Variants in GLDC observed in about 807,000 individuals in gnomAD.
GLDC encodes the protein glycine decarboxylase.
GLDC carries 104 observed loss-of-function variants against 121.3 expected under a neutral mutation model. The observed-to-expected ratio is 0.86, with a 90% confidence interval of 0.73 to 1.01. The LOEUF (loss-of-function observed/expected upper bound fraction) is 1.01. Ranked by LOEUF, GLDC falls within the 50% of genes least tolerant of loss-of-function variation. GLDC has a pLI of 0.00. For missense variants in GLDC, 1,429 were observed against 1,306.6 expected, an observed-to-expected ratio of 1.09 and a Z score of -1.44; for synonymous variants, 546 against 480.6, an observed-to-expected ratio of 1.14 and a Z score of -1.78.
At chr9:6,546,014 C>A (rs930125024) in intron 21 of GLDC, among the ~76,000 whole-genome samples, 1 of 152,218 alleles carries the variant, frequency 6.6e-6, no homozygotes, top group Non-Finnish European at 1.5e-5. Flanking sequence ...ACTTTAAACA[C>A]AAATACATTG....
chr9:6,546,676 T>C (rs1817397694), intron 21 of GLDC, among the ~76,000 whole-genome samples: 1 of 151,732 alleles, frequency 6.6e-6, no homozygotes, highest in African/African-American at 2.4e-5. Flanking sequence ...AAAATAATGA[T>C]GGGGGCCAGA....
intron 5 of GLDC, 113 bp from the exon 6 acceptor site, chr9:6,605,391 C>T (rs561397163): frequency 2.0e-5 from 21 of 1,051,840 alleles, no homozygotes; most frequent in Non-Finnish European, 2.9e-5. Flanking sequence ...CCACAGTGGC[C>T]TCCCACCCCT....
At chr9:6,543,480 A>G (rs1393608250) in intron 21 of GLDC, among the ~76,000 whole-genome samples, 2 of 152,202 alleles carry the variant, frequency 1.3e-5, no homozygotes, top group Admixed American at 6.5e-5. Flanking sequence ...GCCAAGCCCA[A>G]CACAGCACTG....
chr9:6,613,922 G>A (rs1818913870), intron 3 of GLDC, among the ~76,000 whole-genome samples: 1 of 151,888 alleles, frequency 6.6e-6, no homozygotes. Flanking sequence ...GATTACAGGT[G>A]CGTGACACCA....
Position 6,641,560 on chromosome 9 carries a change from A to G in GLDC, c.334+3054T>C, listed in dbSNP as rs1819629120. 3.3e-5 allele frequency among the ~76,000 whole-genome samples: 5 copies of G among 152,288 alleles called. No individual in the cohort carries two copies. The South Asian group carries it at 1.0e-3, about 32-fold the overall frequency. ...CCTGGGTTTGAATTCTGCCTCCATC[A>G]CTTACCAGCTATGACCTTGGGCAAG... On this transcript the variant is annotated intron_variant, in intron 2 of 24. Coordinates refer to ENST00000321612, the MANE Select transcript of GLDC (RefSeq NM_000170.3).
chr9:6,622,848 C>G, intron 2 of GLDC: 1 of 216,462 alleles, frequency 4.6e-6, no homozygotes, highest in Non-Finnish European at 9.4e-6. Context: ...AGCGTCTCTG[C>G]CCGGCCGCCC....
intron 16 of GLDC, among the ~76,000 whole-genome samples, chr9:6,561,146 G>T (rs1817749986): frequency 6.6e-6 from 1 of 152,208 alleles, no homozygotes; most frequent in Non-Finnish European, 1.5e-5. Flanking sequence ...ATTAATGTGT[G>T]TTGTTTTAAG....
At chr9:6,553,343 A>C (rs1817554063) in intron 20 of GLDC, 25 bp downstream of exon 20, 1 of 1,612,224 alleles carries the variant, frequency 6.2e-7, no homozygotes, top group Non-Finnish European at 8.5e-7. Flanking sequence ...CCACCTGCAC[A>C]CCTGCACATA....
intron 15 of GLDC, among the ~76,000 whole-genome samples, chr9:6,579,748 G>A (rs747972652): frequency 1.3e-5 from 2 of 152,148 alleles, no homozygotes; most frequent in Non-Finnish European, 2.9e-5. Context: ...AAGTTGTATT[G>A]CTATAACTAG....
chr9:6,605,343 T>C (rs1818708821), intron 5 of GLDC, 65 bp from the exon 6 acceptor site: 1 of 1,526,908 alleles, frequency 6.5e-7, no homozygotes. Context: ...AATTAACGTT[T>C]CTTTTCCAGT....
intron 2 of GLDC, among the ~76,000 whole-genome samples, chr9:6,628,652 GAT>G (rs1370563759): frequency 3.3e-5 from 5 of 152,190 alleles, no homozygotes; most frequent in Non-Finnish European, 7.3e-5. Flanking sequence ...GAGACAGGAG[GAT>G]TGCTTGAGCC....
At chr9:6,548,728 G>T (rs758507795) in intron 21 of GLDC, among the ~76,000 whole-genome samples, 5 of 152,148 alleles carry the variant, frequency 3.3e-5, no homozygotes, top group Admixed American at 2.0e-4. Flanking sequence ...CTAAGCTCCA[G>T]GTCCTGGTCT....
rs117964095 is a variant in GLDC, at chr9:6,560,785, G to A, written c.1927-2101C>T. Among the ~76,000 whole-genome samples, 194 of 152,270 alleles carry A rather than the reference G, an allele frequency of 1.3e-3. 6 individuals are homozygous for A. The East Asian group carries it at 0.033, about 26-fold the overall frequency. On this transcript the variant is annotated intron_variant, in intron 16 of 24. Coordinates refer to ENST00000321612, the MANE Select transcript of GLDC (RefSeq NM_000170.3). ...CAAAGACATCCCTGTCCTAATCCTC[G>A]GAACCTGTGGGTGTTTCCTTATATG...
At chr9:6,618,847 A>C (rs1297437755) in intron 3 of GLDC, among the ~76,000 whole-genome samples, 1 of 151,744 alleles carries the variant, frequency 6.6e-6, no homozygotes, top group Non-Finnish European at 1.5e-5. Context: ...ACACCCCTAG[A>C]AGTAGGAGTG....
intron 2 of GLDC, among the ~76,000 whole-genome samples, chr9:6,629,958 T>TATGTGTATATATATATATGTG: frequency 1.3e-5 from 1 of 78,680 alleles, no homozygotes; most frequent in African/African-American, 6.1e-5. Context: ...TATATATATA[T>TATGTGTATATATATATATGTG]TTTTTTTTTT....
At chr9:6,644,015 C>T (rs1264357767) in intron 2 of GLDC, among the ~76,000 whole-genome samples, 1 of 80,006 alleles carries the variant, frequency 1.2e-5, no homozygotes, top group African/African-American at 5.2e-5. Context: ...GCCTGGGCGA[C>T]AGAGATTCTG....
intron 3 of GLDC, among the ~76,000 whole-genome samples, chr9:6,615,321 G>C (rs962221342): frequency 7.2e-5 from 11 of 151,938 alleles, no homozygotes; most frequent in Non-Finnish European, 1.5e-4. Context: ...GGCCAGGTGT[G>C]GTGGCTCACA....
intron 21 of GLDC, among the ~76,000 whole-genome samples, chr9:6,543,475 G>T (rs1563830507): frequency 6.6e-6 from 1 of 152,150 alleles, no homozygotes; most frequent in African/African-American, 2.4e-5. Context: ...GTCAAGCCAA[G>T]CCCAACACAG....
chr9:6,631,326 G>A (rs899899223), intron 2 of GLDC, among the ~76,000 whole-genome samples: 1 of 152,188 alleles, frequency 6.6e-6, no homozygotes, highest in African/African-American at 2.4e-5. Flanking sequence ...GTCTCCGTAT[G>A]AGTGAGCAGT....
Sources: gnomAD v4.1 joint callset for allele counts (sites outside exome capture counted in the v4.1 genomes callset) on GRCh38, gnomAD v4.1.1 for gene constraint, MANE v1.5 for transcripts, NCBI Gene and HGNC (gene_info 2026-07-23, HGNC 2026-07-21) for gene names.